PARD3B: variants seen among roughly 807,000 people sequenced by gnomAD.
PARD3B encodes the protein partitioning defective 3 homolog B.
PARD3B carries 103 observed loss-of-function variants against 130.2 expected under a neutral mutation model. That is an observed-to-expected ratio of 0.79 (90% CI 0.67 to 0.93). The LOEUF is 0.93. PARD3B is among the 40% of genes least tolerant of loss of function. The pLI is 0.00. For synonymous variants in PARD3B, 583 were observed against 553.2 expected (o/e 1.05, Z -0.76); for missense variants, 1,609 against 1,499.2 (o/e 1.07, Z -1.21).
intron 3 of PARD3B, among the ~76,000 whole-genome samples, chr2:204,996,435 G>T (rs1264260561): frequency 2.0e-5 from 3 of 152,104 alleles, no homozygotes; most frequent in East Asian, 1.9e-4. Context: ...GCAGTGTGCC[G>T]GTTCTCAGAT....
intron 18 of PARD3B, among the ~76,000 whole-genome samples, chr2:205,398,281 AC>A (rs2046105901): frequency 6.6e-6 from 1 of 151,656 alleles, no homozygotes; most frequent in African/African-American, 2.4e-5. Flanking sequence ...AACCTCAGTA[AC>A]AAGAGTGAAA....
In PARD3B at chr2:205,466,548, CT is replaced by C. The variant is rs2106242495; in HGVS notation, c.3044+25877del. Among the ~76,000 whole-genome samples, 3 of 152,296 alleles carry C rather than the reference CT, an allele frequency of 2.0e-5. 1 individual carries two copies. The South Asian group carries it at 6.2e-4, about 32-fold the overall frequency. On this transcript the variant is annotated intron_variant, in intron 20 of 22. Transcript: ENST00000406610. Reference sequence around the variant, plus strand: ...TCTTTCCTCAAGTGCTGCTACGAACCTGCCAAGAAAAGTTTTATTAATACAA... The same window carrying C: ...TCTTTCCTCAAGTGCTGCTACGAACCGCCAAGAAAAGTTTTATTAATACAA...
rs574703618 is a variant in PARD3B, at chr2:205,459,495, A to G, written c.3044+18823A>G. Reference sequence around the variant, plus strand: ...TAATATATATGAAAGTAACATGAATAGGGCCTGGTACATGATAGACACTTT... The same window carrying G: ...TAATATATATGAAAGTAACATGAATGGGGCCTGGTACATGATAGACACTTT... On this transcript the variant is annotated intron_variant, in intron 20 of 22. Transcript: ENST00000406610. Among the ~76,000 whole-genome samples the G allele has an allele frequency of 2.6e-5, 4 of 152,226 alleles. No homozygotes were observed. In the South Asian group the frequency reaches 6.2e-4, roughly 24 times the overall value.
At chr2:205,483,836 T>G (rs566248645) in intron 20 of PARD3B, among the ~76,000 whole-genome samples, 5 of 152,246 alleles carry the variant, frequency 3.3e-5, no homozygotes, top group African/African-American at 1.2e-4. Context: ...GGGGGAAGCT[T>G]CTAGCTAGGG....
intron 19 of PARD3B, among the ~76,000 whole-genome samples, chr2:205,423,867 T>G (rs1309413252): frequency 1.3e-5 from 2 of 152,050 alleles, no homozygotes; most frequent in Non-Finnish European, 2.9e-5. Context: ...ATATTCTCAC[T>G]TATAAGTGGG....
chr2:204,738,622 G>C (rs1044852794), intron 2 of PARD3B, among the ~76,000 whole-genome samples: 3 of 152,114 alleles, frequency 2.0e-5, no homozygotes, highest in Non-Finnish European at 2.9e-5. Flanking sequence ...TATCAGCCAG[G>C]CTGGGCTCTT....
chr2:204,638,655 A>G lies in PARD3B; in HGVS notation c.121-47526A>G, dbSNP rs377347685. ...AAACCATTTCATTATTTTATAGACT[A>G]TGCCATCTGTAAGCATGCCAAGATT... On this transcript the variant is annotated intron_variant, in intron 1 of 22. Coordinates refer to ENST00000406610, the MANE Select transcript of PARD3B (RefSeq NM_001302769.2). 4.7e-4 allele frequency among the ~76,000 whole-genome samples: 72 copies of G among 152,188 alleles called. 1 individual carries two copies. Among genetic ancestry groups the G allele is most frequent in the African/African-American group, 1.6e-3 (67 of 41,534 alleles).
chr2:204,817,223 A>G (rs1170574602), intron 2 of PARD3B, among the ~76,000 whole-genome samples: 1 of 150,254 alleles, frequency 6.7e-6, no homozygotes, highest in African/African-American at 2.4e-5. Flanking sequence ...TTTATTATGA[A>G]TCATGTTTTA....
At chr2:205,489,491 A>ATGTG (rs767992238) in intron 20 of PARD3B, among the ~76,000 whole-genome samples, 33 of 141,152 alleles carry the variant, frequency 2.3e-4, no homozygotes, top group Admixed American at 1.3e-3. Flanking sequence ...ATACATATAT[A>ATGTG]TGTGTGTATA....
intron 22 of PARD3B, among the ~76,000 whole-genome samples, chr2:205,559,620 A>G (rs6761550): frequency 0.25 from 32,538 of 130,492 alleles, 4,759 homozygotes; most frequent in Middle Eastern, 0.39. Flanking sequence ...TTTTTTTGAG[A>G]CAGAGTCTCA....
intron 4 of PARD3B, among the ~76,000 whole-genome samples, chr2:205,054,439 T>G (rs1480757602): frequency 2.0e-5 from 1 of 50,570 alleles, no homozygotes; most frequent in Admixed American, 2.0e-4. Context: ...TATATATATT[T>G]TTTTTTTTTT....
At chr2:205,333,126 A>T (rs1385417280) in intron 18 of PARD3B, among the ~76,000 whole-genome samples, 2 of 152,192 alleles carry the variant, frequency 1.3e-5, no homozygotes, top group Non-Finnish European at 1.5e-5. Context: ...ACTACCCCAG[A>T]CAAAGAAAAA....
intron 4 of PARD3B, among the ~76,000 whole-genome samples, chr2:205,101,455 CAT>C (rs906887331): frequency 6.6e-6 from 1 of 152,154 alleles, no homozygotes; most frequent in African/African-American, 2.4e-5. Context: ...ATTATTCAGA[CAT>C]GTGGGAAATA....
intron 3 of PARD3B, among the ~76,000 whole-genome samples, chr2:204,980,452 G>C (rs1406117926): frequency 6.6e-6 from 1 of 152,144 alleles, no homozygotes; most frequent in Non-Finnish European, 1.5e-5. Flanking sequence ...CTTTCACCTT[G>C]AGTATGGGAT....
chr2:205,176,620 A>G lies in PARD3B; in HGVS notation c.1924+43A>G, dbSNP rs2035485567. 6.6e-7 allele frequency: 1 copy of G among 1,514,820 alleles called. No individual in the cohort carries two copies. The highest frequency in any genetic ancestry group is 8.8e-7 in the Non-Finnish European group (1 of 1,132,464). The allele number at this position is 1,514,820 out of a possible 1,614,324, so 93.8% of individuals were successfully genotyped here. A position where few individuals can be genotyped will look rare whatever the true frequency, so the allele number is the denominator to read the frequency against. ...TTATCCACTGCAAATGGAGTGAGAA[A>G]ACACAAAAGTGTCTTTTTATCTAAA... is the stretch of plus-strand genomic sequence containing the variant. On this transcript the variant is annotated intron_variant, in intron 13 of 22. Transcript: ENST00000406610. This position sits in a 1 kb window ranked among gnomAD's most constrained non-coding sequence, Gnocchi z 5.3.
Position 204,965,261 on chromosome 2 carries a change from A to G in PARD3B, c.332A>G (p.Gln111Arg). ...PDAFETEVAA[Q>R]LAAFKPIGGE... is the part of the protein sequence containing the mutation. ...GCTTTTGAGACAGAAGTGGCCGCCC[A>G]ACTGGCCGCATTTAAGCCAATTGGT... The change falls in exon 3 of 23, where the codon CAA becomes CGA. Residue 111 changes from glutamine to arginine, a missense_variant. Gln to Arg is a conservative substitution (Grantham distance 43). Coordinates refer to ENST00000406610, the MANE Select transcript of PARD3B (RefSeq NM_001302769.2). 1 of 1,613,952 alleles carries G rather than the reference A, an allele frequency of 6.2e-7. No homozygotes were observed. Among genetic ancestry groups the G allele is most frequent in the Non-Finnish European group, 8.5e-7 (1 of 1,179,904 alleles).
intron 3 of PARD3B, among the ~76,000 whole-genome samples, chr2:205,017,766 C>G (rs1696263418): frequency 6.6e-6 from 1 of 152,116 alleles, no homozygotes; most frequent in South Asian, 2.1e-4. Context: ...CTGAATCATC[C>G]TATGTAGGTG....
chr2:205,154,143 C>T (rs993838836), intron 10 of PARD3B, among the ~76,000 whole-genome samples: 11 of 151,776 alleles, frequency 7.2e-5, no homozygotes, highest in Middle Eastern at 3.2e-3. Flanking sequence ...TTGCAATCTA[C>T]CCATCTGACA....
At chr2:204,775,183 G>A (rs978619193) in intron 2 of PARD3B, among the ~76,000 whole-genome samples, 1 of 151,908 alleles carries the variant, frequency 6.6e-6, no homozygotes, top group African/African-American at 2.4e-5. Context: ...TCGTAAATAC[G>A]GATAAAAAAA....
Sources: gnomAD v4.1 joint callset for allele counts (sites outside exome capture counted in the v4.1 genomes callset) on GRCh38, gnomAD v4.1.1 for gene constraint, Gnocchi (gnomAD v3.1) non-coding constraint, MANE v1.5 for transcripts, NCBI Gene and HGNC (gene_info 2026-07-23, HGNC 2026-07-21) for gene names.